Variants in IQCJ observed in about 807,000 individuals in gnomAD.
The protein encoded by IQCJ is IQ domain-containing protein J.
Under a neutral mutation model 11.0 loss-of-function variants are expected in IQCJ, and 9 were observed. The observed-to-expected ratio is 0.82, with a 90% CI of 0.49 to 1.43. IQCJ has a LOEUF of 1.43. Among genes scored for constraint, IQCJ ranks in the 40% most tolerant of loss-of-function variants. The pLI is 0.00. For missense variants in IQCJ, 146 were observed against 133.2 expected (o/e 1.10, Z -0.47); for synonymous variants, 55 against 51.3 (o/e 1.07, Z -0.31).
chr3:159,076,607 C>T (rs1015534933), intron 1 of IQCJ, among the ~76,000 whole-genome samples: 5 of 152,216 alleles, frequency 3.3e-5, no homozygotes, highest in Non-Finnish European at 4.4e-5. Flanking sequence ...GTGCACATCC[C>T]CTTGCTGTCA....
intron 1 of IQCJ, among the ~76,000 whole-genome samples, chr3:159,180,087 G>T (rs1723009797): frequency 6.6e-6 from 1 of 152,184 alleles, no homozygotes; most frequent in Admixed American, 6.5e-5. Context: ...TGAAGGTCGT[G>T]GGACCTGAGG....
chr3:159,233,233 T>C (rs895198470), intron 1 of IQCJ, among the ~76,000 whole-genome samples: 14 of 152,152 alleles, frequency 9.2e-5, no homozygotes, highest in African/African-American at 3.1e-4. Context: ...AGAGGGCATG[T>C]CACACAGAAC....
intron 1 of IQCJ, among the ~76,000 whole-genome samples, chr3:159,234,838 A>T (rs1364814160): frequency 1.3e-5 from 2 of 152,150 alleles, no homozygotes; most frequent in African/African-American, 4.8e-5. Context: ...CTTCTTCACA[A>T]CATCACTTAG....
At chr3:159,172,513 C>CAT (rs1320383962) in intron 1 of IQCJ, among the ~76,000 whole-genome samples, 5 of 151,536 alleles carry the variant, frequency 3.3e-5, no homozygotes, top group African/African-American at 7.3e-5. Context: ...TGATATATAA[C>CAT]ATATATATAT....
At chr3:159,246,344 G>C (rs975875964) in intron 2 of IQCJ, among the ~76,000 whole-genome samples, 2 of 152,142 alleles carry the variant, frequency 1.3e-5, no homozygotes, top group African/African-American at 2.4e-5. Flanking sequence ...AAATTGAACA[G>C]AGATAAAAGT....
At chr3:159,147,884 G>A (rs944410240) in intron 1 of IQCJ, among the ~76,000 whole-genome samples, 6 of 152,166 alleles carry the variant, frequency 3.9e-5, no homozygotes, top group South Asian at 2.1e-4. Context: ...TCGTGGAATC[G>A]TGAATTTGTT....
At chr3:159,265,317 C>A, downstream of IQCJ, 1 of 1,613,848 alleles carries the variant, frequency 6.2e-7, no homozygotes, top group Non-Finnish European at 8.5e-7. Context: ...TCTTCTCTAC[C>A]TTGACCAGCT....
intron 1 of IQCJ, among the ~76,000 whole-genome samples, chr3:159,166,785 A>G (rs572426688): frequency 1.3e-5 from 2 of 152,266 alleles, no homozygotes; most frequent in South Asian, 4.2e-4. Flanking sequence ...TTTCAAGACA[A>G]AGGCTCAGAA....
chr3:159,258,712 TA>T (rs1338269226), intron 3 of IQCJ, among the ~76,000 whole-genome samples: 1 of 152,148 alleles, frequency 6.6e-6, no homozygotes, highest in African/African-American at 2.4e-5. Context: ...TGGTAACATA[TA>T]AAAAATAGTA....
intron 1 of IQCJ, among the ~76,000 whole-genome samples, chr3:159,233,988 C>T (rs1471497352): frequency 6.6e-6 from 1 of 152,098 alleles, no homozygotes; most frequent in African/African-American, 2.4e-5. Flanking sequence ...GTTTGCAGAA[C>T]ATTACAACTT....
intron 1 of IQCJ, among the ~76,000 whole-genome samples, chr3:159,116,644 AT>A (rs2108131247): frequency 2.7e-5 from 1 of 36,744 alleles, no homozygotes; most frequent in African/African-American, 1.1e-4. Context: ...ATATATATAT[AT>A]ATATATATAT....
intron 1 of IQCJ, among the ~76,000 whole-genome samples, chr3:159,226,698 C>T (rs2595261): frequency 0.65 from 99,472 of 151,964 alleles, 33,331 homozygotes; most frequent in Non-Finnish European, 0.74. Flanking sequence ...GAGGAAAGTA[C>T]AGAGAAATGT....
chr3:159,234,719 T>G (rs948494717), intron 1 of IQCJ, among the ~76,000 whole-genome samples: 3 of 152,058 alleles, frequency 2.0e-5, no homozygotes, highest in African/African-American at 7.2e-5. Flanking sequence ...GAGAGAAGAA[T>G]CAAGGCCCTG....
chr3:159,194,392 C>T (rs1032202816), intron 1 of IQCJ, among the ~76,000 whole-genome samples: 12 of 152,194 alleles, frequency 7.9e-5, no homozygotes, highest in African/African-American at 2.7e-4. Context: ...ATTCTGACTT[C>T]GCCATTTGCT....
chr3:159,161,228 G>A (rs1241996496), intron 1 of IQCJ, among the ~76,000 whole-genome samples: 2 of 152,172 alleles, frequency 1.3e-5, no homozygotes, highest in African/African-American at 2.4e-5. Flanking sequence ...ATTGTAACTG[G>A]TGTGAGATGG....
intron 1 of IQCJ, among the ~76,000 whole-genome samples, chr3:159,089,536 C>T (rs1576998033): frequency 6.6e-6 from 1 of 152,004 alleles, no homozygotes; most frequent in African/African-American, 2.4e-5. Flanking sequence ...GTTCCATTCT[C>T]CCCGTCACTT....
At position 159,263,559 on chromosome 3, in the gene IQCJ, G is replaced by T. The variant is rs538847144; in HGVS notation, c.*828G>T. 108 of 985,288 alleles carry T rather than the reference G, an allele frequency of 1.1e-4. 1 individual carries two copies. The South Asian group carries it at 4.7e-3, about 43-fold the overall frequency. The allele number at this position is 985,288 out of a possible 1,614,324, so 61.0% of individuals were successfully genotyped here. On this transcript the variant is annotated 3_prime_UTR_variant, in exon 4 of 4. Coordinates refer to ENST00000397832, the MANE Select transcript of IQCJ (RefSeq NM_001042706.3). ...TAACCAGTCACTGAAATGCTGAAAA[G>T]TTAGAGAAATGAAGTAATTACACAA...
chr3:159,110,504 A>C (rs1239591802), intron 1 of IQCJ, among the ~76,000 whole-genome samples: 2 of 152,156 alleles, frequency 1.3e-5, no homozygotes, highest in Non-Finnish European at 1.5e-5. Flanking sequence ...CTTCATGTCC[A>C]ACCCAGACAC....
At chr3:159,246,236 A>C (rs1404447256) in intron 2 of IQCJ, among the ~76,000 whole-genome samples, 3 of 152,218 alleles carry the variant, frequency 2.0e-5, no homozygotes, top group Non-Finnish European at 4.4e-5. Context: ...ATTTGTAAAA[A>C]GTGCAAAGCT....
Sources: allele counts gnomAD v4.1 joint callset (sites outside exome capture counted in the v4.1 genomes callset), GRCh38; gene constraint gnomAD v4.1.1; transcripts MANE v1.5; gene names NCBI Gene and HGNC (gene_info 2026-07-23, HGNC 2026-07-21).